CD38: variants seen among roughly 807,000 people sequenced by gnomAD.
The protein encoded by CD38 is CD38 molecule, also known as ADP-ribosyl cyclase/cyclic ADP-ribose hydrolase 1.
Under a neutral mutation model 36.3 loss-of-function variants are expected in CD38, and 31 were observed. That is an observed-to-expected ratio of 0.85 (90% CI 0.64 to 1.15). CD38 has a LOEUF of 1.15. CD38 is among the 50% of genes most tolerant of loss of function. The pLI is 0.00. For missense variants in CD38, 380 were observed against 371.9 expected (o/e 1.02, Z -0.18); for synonymous variants, 131 against 135.2 (o/e 0.97, Z 0.22).
At chr4:15,837,166 C>T (rs904955102) in intron 4 of CD38, among the ~76,000 whole-genome samples, 5 of 152,150 alleles carry the variant, frequency 3.3e-5, no homozygotes, top group Non-Finnish European at 7.3e-5. Flanking sequence ...GTATCAAGAA[C>T]CTCCTTGCGT....
At chr4:15,837,503 A>G (rs1463307461) in intron 4 of CD38, among the ~76,000 whole-genome samples, 2 of 152,114 alleles carry the variant, frequency 1.3e-5, no homozygotes, top group Non-Finnish European at 2.9e-5. Context: ...AGCATATAGA[A>G]CACTATTTTG....
intron 3 of CD38, among the ~76,000 whole-genome samples, chr4:15,828,133 G>A (rs192702302): frequency 1.5e-3 from 224 of 152,150 alleles, no homozygotes; most frequent in Middle Eastern, 0.01. Flanking sequence ...TCCTACCTTA[G>A]CCTCCCAGGT....
intron 2 of CD38, among the ~76,000 whole-genome samples, chr4:15,819,397 G>T (rs1036351205): frequency 1.3e-4 from 19 of 151,914 alleles, no homozygotes; most frequent in African/African-American, 4.6e-4. Context: ...GGCTGAGGCT[G>T]AGGTGGATGA....
At chr4:15,785,923 G>A (rs975598715) in intron 1 of CD38, among the ~76,000 whole-genome samples, 27 of 152,120 alleles carry the variant, frequency 1.8e-4, no homozygotes, top group Non-Finnish European at 1.3e-4. Context: ...TGGTGGGCTC[G>A]TGGTCTCGCT....
At chr4:15,785,931 G>T (rs376740394) in intron 1 of CD38, among the ~76,000 whole-genome samples, 1 of 152,224 alleles carries the variant, frequency 6.6e-6, no homozygotes, top group African/African-American at 2.4e-5. Context: ...TCGTGGTCTC[G>T]CTGGCTTCAG....
intron 1 of CD38, among the ~76,000 whole-genome samples, chr4:15,789,198 A>G (rs1316035918): frequency 6.6e-6 from 1 of 152,188 alleles, no homozygotes; most frequent in Non-Finnish European, 1.5e-5. Context: ...TTGAGCTCCT[A>G]TGATGTCCCA....
intron 2 of CD38, among the ~76,000 whole-genome samples, chr4:15,818,351 C>G (rs1007373718): frequency 6.6e-6 from 1 of 152,176 alleles, no homozygotes; most frequent in Non-Finnish European, 1.5e-5. Context: ...GGCTTACAGA[C>G]AAAACCTCCG....
At chr4:15,836,201 G>A (rs969357718) in intron 4 of CD38, among the ~76,000 whole-genome samples, 1 of 152,230 alleles carries the variant, frequency 6.6e-6, no homozygotes, top group South Asian at 2.1e-4. Flanking sequence ...GGATACTTGG[G>A]AAATCCAGGA....
rs542863273 is a variant in CD38, at chr4:15,786,433, T to G, written c.233+7786T>G. 2.0e-5 allele frequency among the ~76,000 whole-genome samples: 3 copies of G among 152,292 alleles called. No homozygotes were observed. The South Asian group carries it at 6.2e-4, about 32-fold the overall frequency. On this transcript the variant is annotated intron_variant, in intron 1 of 7. Coordinates refer to ENST00000226279, the MANE Select transcript of CD38 (RefSeq NM_001775.4). ...CCTTGAGCTAGACATAGAGTGCTGA[T>G]TGGTGTATTTACAATCCCTTAGCTA... is the stretch of plus-strand genomic sequence containing the variant.
chr4:15,813,475 A>G (rs1723516864), intron 1 of CD38, among the ~76,000 whole-genome samples: 1 of 152,186 alleles, frequency 6.6e-6, no homozygotes, highest in Admixed American at 6.5e-5. Flanking sequence ...CATGTGCAGA[A>G]CGTGCAGGTT....
At chr4:15,802,026 T>C (rs1723233967) in intron 1 of CD38, among the ~76,000 whole-genome samples, 1 of 152,138 alleles carries the variant, frequency 6.6e-6, no homozygotes, top group African/African-American at 2.4e-5. Context: ...GCAGATGACA[T>C]CCTCTTACCT....
At chr4:15,826,251 T>C (rs1388187998) in intron 3 of CD38, among the ~76,000 whole-genome samples, 3 of 152,162 alleles carry the variant, frequency 2.0e-5, no homozygotes, top group Admixed American at 1.3e-4. Context: ...TATAGATCTT[T>C]CTAGACTTTT....
chr4:15,778,693 A>T lies in CD38; in HGVS notation c.233+46A>T. ...CACCGGTGGGCACTGCGGGGACAGC[A>T]GGGCCCCGCGCGCAGGGAAGCCGCC... is the stretch of plus-strand genomic sequence containing the variant. On this transcript the variant is annotated intron_variant, in intron 1 of 7. Coordinates refer to ENST00000226279, the MANE Select transcript of CD38 (RefSeq NM_001775.4). This position sits in a 1 kb window ranked among gnomAD's most constrained non-coding sequence, Gnocchi z 4.9. 7.3e-7 allele frequency: 1 copy of T among 1,367,810 alleles called. No individual in the cohort carries two copies. The highest frequency in any genetic ancestry group is 1.0e-6 in the Non-Finnish European group (1 of 969,446). 84.7% of individuals were successfully genotyped at this position (1,367,810 alleles called of 1,614,324 possible).
chr4:15,836,555 C>T (rs1401702028), intron 4 of CD38, among the ~76,000 whole-genome samples: 1 of 152,168 alleles, frequency 6.6e-6, no homozygotes, highest in Non-Finnish European at 1.5e-5. Context: ...CAAATCCCTA[C>T]ATTAAAGGTG....
intron 7 of CD38, among the ~76,000 whole-genome samples, chr4:15,843,214 G>A (rs1216745421): frequency 4.7e-5 from 2 of 42,750 alleles, no homozygotes; most frequent in African/African-American, 1.1e-4. Flanking sequence ...CGGATCTCTC[G>A]GCAGAAACCC....
rs541886185 is a variant in CD38 at position 15,817,678 on chromosome 4, A to G, written c.363+1038A>G. Among the ~76,000 whole-genome samples the G allele has an allele frequency of 1.1e-4, 17 of 152,324 alleles. No homozygotes were observed. The South Asian group carries it at 2.9e-3, about 26-fold the overall frequency. On this transcript the variant is annotated intron_variant, in intron 2 of 7. Transcript: ENST00000226279. The stretch of plus-strand genomic sequence containing the variant: ...CTCAAGGTGAAACACCTGATAAGTG[A>G]TGATGATGCTGGGCTTCAATAAGGG...
chr4:15,839,172 A>C (rs528801614), intron 5 of CD38, among the ~76,000 whole-genome samples: 1 of 152,054 alleles, frequency 6.6e-6, no homozygotes, highest in African/African-American at 2.4e-5. Flanking sequence ...TCTGATCCCA[A>C]TTTTTTTGGG....
At position 15,824,966 on chromosome 4, in the gene CD38, T is replaced by G; in HGVS notation, c.449T>G (p.Leu150Arg). ...ATGTTCACCCTGGAGGACACGCTGC[T>G]AGGCTACCTTGCTGATGACCTCACA... is the stretch of plus-strand genomic sequence containing the variant. The part of the protein sequence containing the change: ...RDMFTLEDTL[L>R]GYLADDLTWC... Residue 150 changes from leucine to arginine, a missense_variant, in exon 3 of 8, where the codon CTA becomes CGA. Physicochemically the swap from Leu to Arg is moderately radical, Grantham distance 102. Transcript: ENST00000226279. 6.2e-7 allele frequency: 1 copy of G among 1,613,922 alleles called. No individual in the cohort carries two copies. Among genetic ancestry groups the G allele is most frequent in the Non-Finnish European group, 8.5e-7 (1 of 1,179,922 alleles).
At chr4:15,799,187 G>A (rs762704982) in intron 1 of CD38, among the ~76,000 whole-genome samples, 4 of 152,152 alleles carry the variant, frequency 2.6e-5, no homozygotes, top group African/African-American at 4.8e-5. Context: ...TTATCTTTGT[G>A]TGTGGTGAAA....
Sources: allele counts gnomAD v4.1 joint callset (sites outside exome capture counted in the v4.1 genomes callset), GRCh38; gene constraint gnomAD v4.1.1; non-coding constraint Gnocchi (gnomAD v3.1); transcripts MANE v1.5; gene names NCBI Gene and HGNC (gene_info 2026-07-23, HGNC 2026-07-21).